The following SASH1 variants were observed in gnomAD, a reference collection of about 807,000 sequenced individuals.
SASH1 encodes SAM and SH3 domain containing 1, also known as SAM and SH3 domain-containing protein 1.
SASH1 carries 44 observed loss-of-function variants against 125.2 expected under a neutral mutation model. The ratio of observed to expected loss-of-function variants is 0.35; its 90% CI spans 0.28 to 0.45. The LOEUF (loss-of-function observed/expected upper bound fraction) is 0.45, where lower values mean the gene tolerates loss of function less well. SASH1 is among the 20% of genes least tolerant of loss of function. SASH1 has a pLI of 1.00. For synonymous variants in SASH1, 639 were observed against 649.1 expected, an observed-to-expected ratio of 0.98 and a Z score of 0.24; for missense variants, 1,426 against 1,614.5, an observed-to-expected ratio of 0.88 and a Z score of 2.00.
intron 1 of SASH1, among the ~76,000 whole-genome samples, chr6:148,318,787 G>C (rs1780551969): frequency 6.6e-6 from 1 of 151,838 alleles, no homozygotes; most frequent in African/African-American, 2.4e-5. Context: ...TCTTGACCTT[G>C]TGATCCGCCC....
At chr6:148,241,651 T>C in the SASH1 span, among the ~76,000 whole-genome samples, 2 of 152,206 alleles carry the variant, frequency 1.3e-5, no homozygotes, top group Admixed American at 1.3e-4. Flanking sequence ...TGCAATATCA[T>C]ATAGCTGCAT....
At chr6:148,526,050 T>C (rs1781133404) in intron 11 of SASH1, among the ~76,000 whole-genome samples, 3 of 65,670 alleles carry the variant, frequency 4.6e-5, no homozygotes, top group East Asian at 3.2e-4. Context: ...GTGAGTCTTT[T>C]TTTTTTTTTT....
chr6:148,299,277 A>G (rs1475098837), intron 1 of SASH1, among the ~76,000 whole-genome samples: 1 of 151,932 alleles, frequency 6.6e-6, no homozygotes, highest in East Asian at 1.9e-4. Flanking sequence ...CGGACACTCT[A>G]ACATTACAAA....
intron 1 of SASH1, among the ~76,000 whole-genome samples, chr6:148,272,844 C>A (rs4283903): frequency 0.78 from 118,974 of 152,096 alleles, 46,911 homozygotes; most frequent in African/African-American, 0.88. Flanking sequence ...TTTAGTATCT[C>A]ATATTTTACT....
intron 8 of SASH1, among the ~76,000 whole-genome samples, chr6:148,491,297 TCTCA>T (rs1206517882): frequency 1.3e-5 from 2 of 152,184 alleles, no homozygotes; most frequent in Non-Finnish European, 2.9e-5. Flanking sequence ...TGAGACGGAG[TCTCA>T]CTCCGTCGCT....
At chr6:148,439,601 A>C (rs1189552528) in intron 2 of SASH1, among the ~76,000 whole-genome samples, 1 of 152,188 alleles carries the variant, frequency 6.6e-6, no homozygotes, top group Non-Finnish European at 1.5e-5. Context: ...ACATAGTGAA[A>C]TCCCATCTCT....
Position 148,390,157 on chromosome 6 carries a change from T to G in SASH1, c.180T>G (p.Asp60Glu). Residue 60 changes from aspartate (D) to glutamate (E), a missense_variant, in exon 2 of 20, where the codon GAT (aspartate) becomes GAG (glutamate). Physicochemically the swap from Asp to Glu is conservative, Grantham distance 45. Coordinates refer to ENST00000367467, the MANE Select transcript of SASH1 (RefSeq NM_015278.5). ...GILDGSLGNI[D>E]DLAQQYADYY... ...AGGACGGTTCACTGGGAAACATCGA[T>G]GACCTGGCGCAGCAGTATGCAGATT... 1 of 1,613,592 alleles carries G rather than the reference T, an allele frequency of 6.2e-7. No homozygotes were observed. Among genetic ancestry groups the G allele is most frequent in the Non-Finnish European group, 8.5e-7 (1 of 1,179,744 alleles).
the SASH1 span, among the ~76,000 whole-genome samples, chr6:148,255,679 C>T: frequency 5.9e-5 from 9 of 152,118 alleles, no homozygotes; most frequent in African/African-American, 2.2e-4. Context: ...TCCCCATTGC[C>T]CAGGCTGGAG....
intron 2 of SASH1, among the ~76,000 whole-genome samples, chr6:148,418,844 C>G (rs1475682240): frequency 6.6e-6 from 1 of 152,150 alleles, no homozygotes; most frequent in Non-Finnish European, 1.5e-5. Flanking sequence ...GTGAATACAC[C>G]TTAATCTCCA....
Position 148,390,142 on chromosome 6 carries a change from A to G in SASH1, c.165A>G (p.Ser55=). 6.2e-7 allele frequency: 1 copy of G among 1,613,210 alleles called. No individual in the cohort carries two copies. The highest frequency in any genetic ancestry group is 8.5e-7 in the Non-Finnish European group (1 of 1,179,540). Residue 55 remains serine, a synonymous_variant, in exon 2 of 20, where the codon TCA becomes TCG. Coordinates refer to ENST00000367467, the MANE Select transcript of SASH1 (RefSeq NM_015278.5). ...TTTGTCCACCCCTTCAGGACGGTTC[A>G]CTGGGAAACATCGATGACCTGGCGC... The part of the protein sequence containing the change: ...WTDVMGILDG[S]LGNIDDLAQQ...
At chr6:148,246,146 T>C in the SASH1 span, among the ~76,000 whole-genome samples, 1 of 150,538 alleles carries the variant, frequency 6.6e-6, no homozygotes, top group Non-Finnish European at 1.5e-5. Flanking sequence ...CTCTCTCTCC[T>C]CTCTCTCTCT....
chr6:148,466,687 G>C (rs1359051487), intron 4 of SASH1, among the ~76,000 whole-genome samples: 1 of 152,052 alleles, frequency 6.6e-6, no homozygotes, highest in East Asian at 1.9e-4. Context: ...GCAGCCTCCT[G>C]AGTAGCTAGA....
chr6:148,442,738 T>G (rs1425295810), intron 4 of SASH1, among the ~76,000 whole-genome samples: 1 of 152,142 alleles, frequency 6.6e-6, no homozygotes, highest in Non-Finnish European at 1.5e-5. Flanking sequence ...ACATAGTTTC[T>G]ATTCAAGTTT....
the SASH1 span, among the ~76,000 whole-genome samples, chr6:148,205,511 C>A: frequency 1.3e-5 from 2 of 152,184 alleles, no homozygotes; most frequent in Non-Finnish European, 1.5e-5. Flanking sequence ...TGGCCTGACT[C>A]AGGCCAAGTA....
chr6:148,538,011 C>T (rs772185644), intron 16 of SASH1, among the ~76,000 whole-genome samples: 21 of 152,242 alleles, frequency 1.4e-4, no homozygotes, highest in African/African-American at 3.1e-4. Flanking sequence ...TTGGCACCCA[C>T]GCTGACAAGT....
At chr6:148,493,739 C>T (rs1177561133) in intron 8 of SASH1, among the ~76,000 whole-genome samples, 3 of 145,910 alleles carry the variant, frequency 2.1e-5, no homozygotes, top group African/African-American at 8.4e-5. Context: ...AGATAGTTAC[C>T]AGGGGAAGTG....
At chr6:148,295,523 G>C (rs1375714118) in intron 1 of SASH1, among the ~76,000 whole-genome samples, 1 of 152,200 alleles carries the variant, frequency 6.6e-6, no homozygotes, top group Non-Finnish European at 1.5e-5. Context: ...CCCTTGGAGA[G>C]GGGGAGTAAT....
At chr6:148,252,506 T>G in the SASH1 span, among the ~76,000 whole-genome samples, 5 of 150,636 alleles carry the variant, frequency 3.3e-5, no homozygotes, top group African/African-American at 4.9e-5. Context: ...TGAGACAGAG[T>G]CTCGCTTTGT....
the SASH1 span, among the ~76,000 whole-genome samples, chr6:148,253,665 G>A: frequency 6.6e-6 from 1 of 152,168 alleles, no homozygotes; most frequent in South Asian, 2.1e-4. Context: ...AAGATCAGGA[G>A]TTTGAGACCA....
Sources: allele counts gnomAD v4.1 joint callset (sites outside exome capture counted in the v4.1 genomes callset), GRCh38; gene constraint gnomAD v4.1.1; transcripts MANE v1.5; gene names NCBI Gene and HGNC (gene_info 2026-07-23, HGNC 2026-07-21).